The following PRDM10 variants were observed in gnomAD, a reference collection of about 807,000 sequenced individuals.
The protein encoded by PRDM10 is PR domain zinc finger protein 10.
Under a neutral mutation model 133.1 loss-of-function variants are expected in PRDM10, and 65 were observed. The ratio of observed to expected loss-of-function variants is 0.49; its 90% confidence interval spans 0.40 to 0.60. PRDM10 has a LOEUF of 0.60. Ranked by LOEUF, PRDM10 falls within the 20% of genes least tolerant of loss-of-function variation. PRDM10 has a pLI of 0.00. For missense variants in PRDM10, 1,137 were observed against 1,507.1 expected, an observed-to-expected ratio of 0.75 and a Z score of 4.07; for synonymous variants, 582 against 580.4, an observed-to-expected ratio of 1.00 and a Z score of -0.04.
chr11:129,929,665 A>T (rs899381377), intron 11 of PRDM10, among the ~76,000 whole-genome samples: 1 of 151,932 alleles, frequency 6.6e-6, no homozygotes, highest in East Asian at 1.9e-4. Flanking sequence ...AACCCTGCTC[A>T]TTCAAAAATG....
Position 129,950,555 on chromosome 11 carries a change from G to T in PRDM10, c.295-3185C>A, listed in dbSNP as rs567948231. ...GTGAGGACTCCACAGGGAACTTCTA[G>T]CAGTGCAGCTGCTGTGGCCACCTCC... On this transcript the variant is annotated intron_variant, in intron 4 of 20. Coordinates refer to ENST00000360871, the MANE Select transcript of PRDM10 (RefSeq NM_199437.2). Among the ~76,000 whole-genome samples the T allele has an allele frequency of 1.0e-3, 152 of 152,278 alleles. 1 individual carries two copies. The highest frequency in any genetic ancestry group is 3.4e-3 in the African/African-American group (140 of 41,564).
intron 1 of PRDM10, among the ~76,000 whole-genome samples, chr11:129,987,303 TG>T (rs1938482598): frequency 6.6e-6 from 1 of 152,238 alleles, no homozygotes; most frequent in Admixed American, 6.5e-5. Context: ...AATGATACTC[TG>T]GTTTCTATTA....
chr11:129,908,457 G>A (rs1287827243), intron 19 of PRDM10, among the ~76,000 whole-genome samples: 2 of 152,190 alleles, frequency 1.3e-5, no homozygotes, highest in Non-Finnish European at 2.9e-5. Context: ...GGACGACAGA[G>A]CAAAACCCTG....
intron 16 of PRDM10, 24 bp from the exon 17 acceptor site, chr11:129,915,042 A>G (rs1950313125): frequency 1.3e-6 from 2 of 1,553,066 alleles, no homozygotes; most frequent in African/African-American, 1.4e-5. Context: ...GCAAAAAACA[A>G]GAATAATTAT....
chr11:129,981,114 G>C (rs1232575242), intron 1 of PRDM10, among the ~76,000 whole-genome samples: 1 of 151,970 alleles, frequency 6.6e-6, no homozygotes, highest in Non-Finnish European at 1.5e-5. Flanking sequence ...CAGGTGATCC[G>C]CCTGCCCGGG....
At position 129,923,693 on chromosome 11, in the gene PRDM10, A is replaced by AGAGC. The variant is rs1491447398; in HGVS notation, c.1879-291_1879-290insGCTC. ...GAGAGAGAGAGAGAGAGAGAGAGAG[A>AGAGC]GTGCTTGCTTGGTCAAAGCCCTGAT... On this transcript the variant is annotated intron_variant, in intron 12 of 20. Transcript: ENST00000360871. The surrounding 1 kb of genome is among the most constrained non-coding windows in gnomAD (Gnocchi z 4.4). Among the ~76,000 whole-genome samples, 1,059 of 135,604 alleles carry AGAGC rather than the reference A, an allele frequency of 7.8e-3. 28 individuals carry two copies. The highest frequency in any genetic ancestry group is 0.027 in the African/African-American group (951 of 35,448). The allele number at this position is 135,604 out of a possible 152,430, so 89.0% of individuals were successfully genotyped here. A position where few individuals can be genotyped will look rare whatever the true frequency, so the allele number is the denominator to read the frequency against.
At chr11:129,964,972 A>G (rs1951874668) in intron 1 of PRDM10, among the ~76,000 whole-genome samples, 1 of 152,262 alleles carries the variant, frequency 6.6e-6, no homozygotes, top group African/African-American at 2.4e-5. Context: ...CGAGCCATAC[A>G]GAGCTTCAGA....
At chr11:129,922,051 GCTTCTCCCTTCAACCCTCA>G (rs1950537419) in intron 13 of PRDM10, among the ~76,000 whole-genome samples, 1 of 151,976 alleles carries the variant, frequency 6.6e-6, no homozygotes, top group African/African-American at 2.4e-5. Context: ...CGACCTCCCA[GCTTCTCCCTTCAACCCTCA>G]CTTCTCCATC....
rs1432456906 is a variant in PRDM10, at chr11:129,923,676, G to GAGAGAA, written c.1879-274_1879-273insTTCTCT. Among the ~76,000 whole-genome samples, 3 of 151,594 alleles carry GAGAGAA rather than the reference G, an allele frequency of 2.0e-5. No individual in the cohort carries two copies. Among genetic ancestry groups the GAGAGAA allele is most frequent in the Admixed American group, 2.0e-4 (3 of 15,238 alleles). ...AGAGAGAGAGAGAGAGAGAGAGAGA[G>GAGAGAA]AGAGAGAGAGAGAGAGAGTGCTTGC... On this transcript the variant is annotated intron_variant, in intron 12 of 20. Transcript: ENST00000360871. The surrounding 1 kb of genome is among the most constrained non-coding windows in gnomAD (Gnocchi z 4.4).
Position 129,979,511 on chromosome 11 carries a change from G to T in PRDM10, c.-118-18429C>A, listed in dbSNP as rs73579249. Among the ~76,000 whole-genome samples the T allele has an allele frequency of 4.0e-3, 613 of 152,246 alleles. 3 individuals carry two copies. Among genetic ancestry groups the T allele is most frequent in the African/African-American group, 0.014 (574 of 41,538 alleles). The stretch of plus-strand genomic sequence containing the variant: ...AGGGTGTGACCTTCCAGGGTTGCAA[G>T]GGAGACTGTGAGGTGCATCCTAGAG... On this transcript the variant is annotated intron_variant, in intron 1 of 20. Transcript: ENST00000360871.
rs1043964591 is a variant in PRDM10, at chr11:129,902,235, G to C, written c.*78C>G. ...TGAGTGAATAATAAATCTTACAAAA[G>C]AGCTCTACGTGTCAGAGCTTTCAGA... is the stretch of plus-strand genomic sequence containing the variant. On this transcript the variant is annotated 3_prime_UTR_variant, in exon 21 of 21. Coordinates refer to ENST00000360871, the MANE Select transcript of PRDM10 (RefSeq NM_199437.2). 2 of 1,486,728 alleles carry C rather than the reference G, an allele frequency of 1.3e-6. No individual in the cohort carries two copies. The highest frequency in any genetic ancestry group is 1.8e-6 in the Non-Finnish European group (2 of 1,093,016). The allele number at this position is 1,486,728 out of a possible 1,614,324, so 92.1% of individuals were successfully genotyped here.
intron 15 of PRDM10, among the ~76,000 whole-genome samples, chr11:129,916,503 G>C (rs1281069706): frequency 6.6e-6 from 1 of 152,110 alleles, no homozygotes; most frequent in African/African-American, 2.4e-5. Context: ...TTGGGCGTGG[G>C]GGCTGGCGCC....
chr11:129,979,366 C>T (rs532383151), intron 1 of PRDM10, among the ~76,000 whole-genome samples: 1 of 151,648 alleles, frequency 6.6e-6, no homozygotes, highest in Non-Finnish European at 1.5e-5. Context: ...CCCAGGATAC[C>T]CACCATCCTC....
chr11:129,941,557 C>A (rs1023021908), intron 7 of PRDM10, among the ~76,000 whole-genome samples: 1 of 152,184 alleles, frequency 6.6e-6, no homozygotes, highest in African/African-American at 2.4e-5. Flanking sequence ...CAGATATACA[C>A]GCGTTCCTGT....
chr11:129,966,950 G>C (rs1420477682), intron 1 of PRDM10, among the ~76,000 whole-genome samples: 1 of 152,134 alleles, frequency 6.6e-6, no homozygotes, highest in Non-Finnish European at 1.5e-5. Context: ...GACTCTTGGA[G>C]AAATTTTAGG....
At chr11:130,001,925 C>T (rs111630992) in intron 1 of PRDM10, among the ~76,000 whole-genome samples, 13,746 of 151,708 alleles carry the variant, frequency 0.091, 729 homozygotes, top group Admixed American at 0.16. Flanking sequence ...ACGGGACAGA[C>T]CCGCAGGGGC....
intron 1 of PRDM10, among the ~76,000 whole-genome samples, chr11:129,972,179 C>A (rs931119884): frequency 2.0e-5 from 3 of 152,214 alleles, no homozygotes; most frequent in Admixed American, 6.5e-5. Context: ...CCGCGCGCAG[C>A]CCCGGTTACA....
At chr11:129,985,159 G>A (rs989692373) in intron 1 of PRDM10, among the ~76,000 whole-genome samples, 5 of 152,102 alleles carry the variant, frequency 3.3e-5, no homozygotes, top group Non-Finnish European at 7.4e-5. Context: ...TTCTGCTTAG[G>A]AGCTAATTTG....
intron 1 of PRDM10, among the ~76,000 whole-genome samples, chr11:129,970,166 T>C (rs1490695624): frequency 1.3e-5 from 2 of 152,222 alleles, no homozygotes; most frequent in Non-Finnish European, 2.9e-5. Flanking sequence ...TATAATAGCA[T>C]TTGTTATGAA....
Sources: gnomAD v4.1 joint callset for allele counts (sites outside exome capture counted in the v4.1 genomes callset) on GRCh38, gnomAD v4.1.1 for gene constraint, Gnocchi (gnomAD v3.1) non-coding constraint, MANE v1.5 for transcripts, NCBI Gene and HGNC (gene_info 2026-07-23, HGNC 2026-07-21) for gene names.